The following TNR variants were observed in gnomAD, a reference collection of about 807,000 sequenced individuals.
The protein encoded by TNR is tenascin-R.
TNR carries 45 observed loss-of-function variants against 150.4 expected under a neutral mutation model. The observed-to-expected ratio is 0.30, with a 90% confidence interval of 0.24 to 0.38. TNR has a LOEUF of 0.38. Among genes scored for constraint, TNR ranks in the 10% least tolerant of loss-of-function variants. The pLI is 1.00. For synonymous variants in TNR, 687 were observed against 678.4 expected, an observed-to-expected ratio of 1.01 and a Z score of -0.20; for missense variants, 1,544 against 1,759.1, an observed-to-expected ratio of 0.88 and a Z score of 2.19.
At chr1:175,681,933 C>T (rs1335802196) in intron 1 of TNR, among the ~76,000 whole-genome samples, 1 of 152,110 alleles carries the variant, frequency 6.6e-6, no homozygotes. Context: ...TCCTTCTGCC[C>T]CCCGACCCCC....
intron 2 of TNR, among the ~76,000 whole-genome samples, chr1:175,407,888 T>C (rs557407065): frequency 7.9e-5 from 12 of 152,352 alleles, no homozygotes; most frequent in South Asian, 4.1e-4. Context: ...TCCCAGGGCT[T>C]TTCTTGAAAA....
intron 9 of TNR, among the ~76,000 whole-genome samples, chr1:175,372,665 A>ATGCT (rs1200231181): frequency 3.3e-5 from 5 of 152,214 alleles, no homozygotes; most frequent in Non-Finnish European, 7.3e-5. Context: ...GCTAGCAGGG[A>ATGCT]AAGTGGTAGG....
intron 1 of TNR, among the ~76,000 whole-genome samples, chr1:175,650,838 C>T (rs1407740851): frequency 6.6e-5 from 9 of 135,536 alleles, no homozygotes; most frequent in South Asian, 2.4e-4. Flanking sequence ...TACCCCTCCC[C>T]CACCTCATTA....
intron 17 of TNR, among the ~76,000 whole-genome samples, chr1:175,355,019 T>TGAAATAAAACAAAAA (rs1299418460): frequency 2.0e-5 from 3 of 152,246 alleles, no homozygotes; most frequent in Non-Finnish European, 4.4e-5. Context: ...TTCTTTACTG[T>TGAAATAAAACAAAAA]AGGCTACACA....
At chr1:175,514,365 C>G (rs892127297) in intron 2 of TNR, among the ~76,000 whole-genome samples, 1 of 152,238 alleles carries the variant, frequency 6.6e-6, no homozygotes, top group Admixed American at 6.5e-5. Flanking sequence ...CCCCGAGAGC[C>G]TCCAGAAAGA....
At chr1:175,361,723 C>G (rs1032236642) in intron 14 of TNR, among the ~76,000 whole-genome samples, 36 of 152,174 alleles carry the variant, frequency 2.4e-4, no homozygotes, top group Non-Finnish European at 1.5e-5. Context: ...ATGAGGCAAG[C>G]TGGATGTTTT....
intron 2 of TNR, among the ~76,000 whole-genome samples, chr1:175,486,241 A>G (rs6675397): frequency 0.35 from 52,817 of 151,752 alleles, 9,448 homozygotes; most frequent in Non-Finnish European, 0.38. Context: ...CATCATCTAA[A>G]TTAGATATTT....
At chr1:175,333,174 C>A (rs1343287758) in intron 20 of TNR, 1 of 152,122 alleles carries the variant, frequency 6.6e-6, no homozygotes, top group African/African-American at 2.4e-5. Flanking sequence ...CTTTTAATTG[C>A]ATTTATTTTT....
intron 2 of TNR, among the ~76,000 whole-genome samples, chr1:175,465,265 A>C (rs1360025329): frequency 6.6e-6 from 1 of 152,212 alleles, no homozygotes; most frequent in Non-Finnish European, 1.5e-5. Context: ...AATGGGGATA[A>C]TGATGCTACT....
chr1:175,406,401 G>T lies in TNR; in HGVS notation c.314C>A (p.Thr105Asn), dbSNP rs759156311. The T allele has an allele frequency of 9.3e-6, 15 of 1,614,000 alleles. No individual in the cohort carries two copies. Among genetic ancestry groups the T allele is most frequent in the Admixed American group, 3.3e-5 (2 of 60,000 alleles). The change falls in exon 3 of 23, where the codon ACC (threonine) becomes AAC (asparagine). Residue 105 changes from threonine to asparagine, a missense_variant. Physicochemically the swap from Thr to Asn is moderately conservative, Grantham distance 65. Around this residue, in one of 2 missense-constraint regions of TNR, gnomAD observed 1,254 missense variants for 1,329.4 expected, o/e 0.94. Coordinates refer to ENST00000367674, the MANE Select transcript of TNR (RefSeq NM_003285.3). ...DETLAEYMGQ[T>N]SDHESQVTFT... ...GGTGACCTGGCTCTCGTGGTCTGAG[G>T]TCTGGCCCATGTACTCTGCCAGAGT...
At position 175,680,169 on chromosome 1, in the gene TNR, C is replaced by T. The variant is rs539129374; in HGVS notation, c.-165+63057G>A. On this transcript the variant is annotated intron_variant, in intron 1 of 22. Transcript: ENST00000367674. Reference sequence around the variant, plus strand: ...GAAGTCATTTTGTCCCAAGAGATCGCGATGTCTCTTGAAATACAGAGCTGT... The same window carrying T: ...GAAGTCATTTTGTCCCAAGAGATCGTGATGTCTCTTGAAATACAGAGCTGT... Among the ~76,000 whole-genome samples the T allele has an allele frequency of 1.1e-3, 175 of 152,318 alleles. 1 individual carries two copies. Among genetic ancestry groups the T allele is most frequent in the African/African-American group, 4.0e-3 (167 of 41,564 alleles).
intron 2 of TNR, among the ~76,000 whole-genome samples, chr1:175,410,372 T>C (rs1340801711): frequency 6.6e-6 from 1 of 152,170 alleles, no homozygotes; most frequent in Non-Finnish European, 1.5e-5. Flanking sequence ...CCCTAACCTG[T>C]CCTTGAGAAA....
At chr1:175,509,624 C>A (rs1424228048) in intron 2 of TNR, among the ~76,000 whole-genome samples, 1 of 152,162 alleles carries the variant, frequency 6.6e-6, no homozygotes, top group African/African-American at 2.4e-5. Context: ...AAAAAGCTGG[C>A]AGAGAGGACA....
chr1:175,382,244 T>G (rs1352156843), intron 8 of TNR, among the ~76,000 whole-genome samples: 1 of 152,254 alleles, frequency 6.6e-6, no homozygotes, highest in Non-Finnish European at 1.5e-5. Flanking sequence ...GTGCCTAGAA[T>G]AGTGCTTGGC....
At chr1:175,714,361 T>A (rs144750010) in intron 1 of TNR, among the ~76,000 whole-genome samples, 6 of 152,262 alleles carry the variant, frequency 3.9e-5, no homozygotes, top group African/African-American at 1.4e-4. Context: ...CTTCAATACA[T>A]AATTAAAATA....
chr1:175,500,034 G>A lies in TNR; in HGVS notation c.-64+28235C>T, dbSNP rs370378271. Among the ~76,000 whole-genome samples, 45 of 152,268 alleles carry A rather than the reference G, an allele frequency of 3.0e-4. 1 individual carries two copies. Among genetic ancestry groups the A allele is most frequent in the African/African-American group, 9.4e-4 (39 of 41,560 alleles). The stretch of plus-strand genomic sequence containing the variant: ...CTTGCCTCATGTCTCTCCTGCCCCC[G>A]CATATGATGATAATTCTTGTTCCAT... On this transcript the variant is annotated intron_variant, in intron 2 of 22. Transcript: ENST00000367674.
chr1:175,687,385 C>A (rs183846359), intron 1 of TNR, among the ~76,000 whole-genome samples: 27 of 152,272 alleles, frequency 1.8e-4, no homozygotes, highest in Admixed American at 5.2e-4. Flanking sequence ...CCCTGCATTA[C>A]GGTCTTCTTA....
At chr1:175,442,869 T>C (rs1318704853) in intron 2 of TNR, among the ~76,000 whole-genome samples, 5 of 151,780 alleles carry the variant, frequency 3.3e-5, no homozygotes, top group African/African-American at 1.2e-4. Flanking sequence ...AGTTGATATA[T>C]TTCCAGGCTC....
Position 175,346,942 on chromosome 1 carries a change from A to G in TNR, c.3382+7449T>C, listed in dbSNP as rs1000543208. Among the ~76,000 whole-genome samples, 4 of 151,842 alleles carry G rather than the reference A, an allele frequency of 2.6e-5. No homozygotes were observed. In the East Asian group the frequency reaches 7.7e-4, roughly 29 times the overall value. On this transcript the variant is annotated intron_variant, in intron 18 of 22. Transcript: ENST00000367674. Reference sequence around the variant, plus strand: ...AAAAGAGTGAAAGATGAAGCTGTCTAGCTTTTTTTGTTTCTTTTTAGAGTG... The same window carrying G: ...AAAAGAGTGAAAGATGAAGCTGTCTGGCTTTTTTTGTTTCTTTTTAGAGTG...
Sources: gnomAD v4.1 joint callset for allele counts (sites outside exome capture counted in the v4.1 genomes callset) on GRCh38, gnomAD v4.1.1 for gene constraint, gnomAD v4.1.1 regional missense constraint, MANE v1.5 for transcripts, NCBI Gene and HGNC (gene_info 2026-07-23, HGNC 2026-07-21) for gene names.